Variants in DGKI observed in about 807,000 individuals in gnomAD.
DGKI encodes the protein DAG kinase iota.
Under a neutral mutation model 147.5 loss-of-function variants are expected in DGKI, and 55 were observed. The ratio of observed to expected loss-of-function variants is 0.37; its 90% CI spans 0.30 to 0.47. DGKI has a LOEUF of 0.47. Among genes scored for constraint, DGKI ranks in the 20% least tolerant of loss-of-function variants. DGKI has a pLI of 1.00. For missense variants in DGKI, 1,007 were observed against 1,323.8 expected (o/e 0.76, Z 3.71); for synonymous variants, 469 against 477.1 (o/e 0.98, Z 0.22).
chr7:137,601,202 C>A (rs557931376), intron 10 of DGKI, among the ~76,000 whole-genome samples: 1 of 151,510 alleles, frequency 6.6e-6, no homozygotes, highest in Admixed American at 6.6e-5. Context: ...ACCCAGGAGG[C>A]GGAGCTTGCA....
chr7:137,563,783 G>T (rs1818493933), intron 19 of DGKI, among the ~76,000 whole-genome samples: 1 of 151,894 alleles, frequency 6.6e-6, no homozygotes, highest in African/African-American at 2.4e-5. Context: ...CATTGTTGAT[G>T]GATATTAAAT....
intron 1 of DGKI, among the ~76,000 whole-genome samples, chr7:137,783,448 A>G (rs2116897179): frequency 6.6e-6 from 1 of 152,382 alleles, no homozygotes; most frequent in Non-Finnish European, 1.5e-5. Flanking sequence ...ATTTTAAAAA[A>G]TGAACAAAGC....
At chr7:137,616,620 A>G (rs2128995719) in intron 8 of DGKI, among the ~76,000 whole-genome samples, 1 of 152,276 alleles carries the variant, frequency 6.6e-6, no homozygotes, top group East Asian at 1.9e-4. Context: ...GACAGACACC[A>G]TGTGGAAGAG....
intron 2 of DGKI, among the ~76,000 whole-genome samples, chr7:137,680,144 C>T (rs1164998259): frequency 1.3e-5 from 2 of 152,064 alleles, no homozygotes; most frequent in African/African-American, 4.8e-5. Flanking sequence ...ATGGGAGATT[C>T]CCCTCATGCA....
At chr7:137,527,586 C>T (rs928484418) in intron 20 of DGKI, among the ~76,000 whole-genome samples, 8 of 152,104 alleles carry the variant, frequency 5.3e-5, no homozygotes, top group Non-Finnish European at 1.2e-4. Flanking sequence ...CATTTTGTAC[C>T]TTATAAATAT....
At chr7:137,480,871 CA>C (rs958586022) in intron 23 of DGKI, among the ~76,000 whole-genome samples, 1 of 151,960 alleles carries the variant, frequency 6.6e-6, no homozygotes, top group Non-Finnish European at 1.5e-5. Flanking sequence ...AGGGTGTCTA[CA>C]AAAAAACCCC....
At chr7:137,493,366 T>C (rs10268889) in intron 21 of DGKI, among the ~76,000 whole-genome samples, 24,852 of 152,238 alleles carry the variant, frequency 0.16, 3,034 homozygotes, top group African/African-American at 0.35. Context: ...TGAGCATGCA[T>C]GTCATCACAC....
chr7:137,515,868 G>T (rs1816728547), intron 21 of DGKI, among the ~76,000 whole-genome samples: 1 of 151,956 alleles, frequency 6.6e-6, no homozygotes, highest in Admixed American at 6.6e-5. Context: ...AAATATAAGA[G>T]ACAGACAAGA....
chr7:137,681,592 G>A lies in DGKI; in HGVS notation c.511-2940C>T, dbSNP rs937293424. Among the ~76,000 whole-genome samples the A allele has an allele frequency of 2.0e-5, 3 of 152,216 alleles. No individual in the cohort carries two copies. In the East Asian group the frequency reaches 5.8e-4, roughly 29 times the overall value. ...CTTTATTCGATAACACTGGTGCCAG[G>A]CACTGAGATTCTGTGTTAATCAATG... is the stretch of plus-strand genomic sequence containing the variant. On this transcript the variant is annotated intron_variant, in intron 2 of 32. Transcript: ENST00000614521.
At chr7:137,580,779 A>C (rs1819160197) in intron 15 of DGKI, among the ~76,000 whole-genome samples, 1 of 152,136 alleles carries the variant, frequency 6.6e-6, no homozygotes, top group African/African-American at 2.4e-5. Context: ...AGAATCTGAA[A>C]ATCTGAATTC....
chr7:137,515,606 G>C (rs917155813), intron 21 of DGKI, among the ~76,000 whole-genome samples: 1 of 152,068 alleles, frequency 6.6e-6, no homozygotes, highest in Admixed American at 6.6e-5. Context: ...ATGAAAAATA[G>C]GAAGTACTAC....
chr7:137,571,144 T>C, intron 19 of DGKI, 31 bp downstream of exon 19: 1 of 1,501,006 alleles, frequency 6.7e-7, no homozygotes, highest in Non-Finnish European at 9.0e-7. Flanking sequence ...TAAAATACAT[T>C]TCATTTTAAT....
rs774100377 is a variant in DGKI at position 137,407,879 on chromosome 7, G to T, written c.2916C>A (p.Asp972Glu). 60 of 1,613,902 alleles carry T rather than the reference G, an allele frequency of 3.7e-5. No individual in the cohort carries two copies. The highest frequency in any genetic ancestry group is 5.0e-5 in the Non-Finnish European group (59 of 1,179,910). ...GNGEIVKYIL[D>E]HGPSELLDMA... ...AAGTTCACTATGCCTACTTACCGTG[G>T]TCAAGGATATATTTCACAATCTCCC... Residue 972 changes from aspartate to glutamate, a missense_variant, in exon 30 of 33, where the codon GAC becomes GAA. Physicochemically the swap from Asp to Glu is conservative, Grantham distance 45. Around this residue, in one of 5 missense-constraint regions of DGKI, gnomAD observed 385 missense variants for 445.2 expected, o/e 0.86. Coordinates refer to ENST00000614521, the MANE Select transcript of DGKI (RefSeq NM_001321708.2).
intron 1 of DGKI, among the ~76,000 whole-genome samples, chr7:137,807,759 C>A (rs1291226435): frequency 6.6e-6 from 1 of 152,172 alleles, no homozygotes; most frequent in African/African-American, 2.4e-5. Flanking sequence ...CCAGCAGGCT[C>A]CCAGGTGCCG....
At chr7:137,705,936 T>C (rs1369413558) in intron 1 of DGKI, among the ~76,000 whole-genome samples, 7 of 152,056 alleles carry the variant, frequency 4.6e-5, no homozygotes, top group Non-Finnish European at 1.5e-5. Context: ...AGCATCTTTA[T>C]TTATGAGCCC....
intron 8 of DGKI, among the ~76,000 whole-genome samples, chr7:137,613,122 A>G (rs1820421554): frequency 6.6e-6 from 1 of 152,142 alleles, no homozygotes; most frequent in African/African-American, 2.4e-5. Context: ...CCTCTTATTA[A>G]TCTTCAGGGA....
intron 12 of DGKI, among the ~76,000 whole-genome samples, chr7:137,589,114 G>A (rs1329257110): frequency 2.0e-5 from 3 of 152,196 alleles, no homozygotes; most frequent in African/African-American, 7.2e-5. Context: ...CTGTGGAGAT[G>A]AAGAAACCTT....
At chr7:137,430,545 A>G (rs886757967) in intron 28 of DGKI, among the ~76,000 whole-genome samples, 1 of 152,056 alleles carries the variant, frequency 6.6e-6, no homozygotes, top group Admixed American at 6.5e-5. Flanking sequence ...CCTAAAACTT[A>G]AAGTATAATA....
intron 1 of DGKI, among the ~76,000 whole-genome samples, chr7:137,758,986 G>T (rs1360749905): frequency 6.6e-6 from 1 of 152,000 alleles, no homozygotes; most frequent in East Asian, 1.9e-4. Flanking sequence ...TTAGATGCAG[G>T]GGATACATGC....
Sources: gnomAD v4.1 joint callset for allele counts (sites outside exome capture counted in the v4.1 genomes callset) on GRCh38, gnomAD v4.1.1 for gene constraint, gnomAD v4.1.1 regional missense constraint, MANE v1.5 for transcripts, NCBI Gene and HGNC (gene_info 2026-07-23, HGNC 2026-07-21) for gene names.